ASCC3: variants seen among roughly 807,000 people sequenced by gnomAD.
ASCC3 encodes the protein ASC-1 complex subunit P200.
A neutral mutation model predicts 256.3 loss-of-function variants in ASCC3; 158 were observed. The ratio of observed to expected loss-of-function variants is 0.62; its 90% confidence interval spans 0.54 to 0.70. The LOEUF (loss-of-function observed/expected upper bound fraction) is 0.70. Ranked by LOEUF, ASCC3 falls within the 30% of genes least tolerant of loss-of-function variation. ASCC3 has a pLI of 0.00. For synonymous variants in ASCC3, 948 were observed against 883.4 expected, an observed-to-expected ratio of 1.07 and a Z score of -1.30; for missense variants, 2,259 against 2,626.0, an observed-to-expected ratio of 0.86 and a Z score of 3.05.
chr6:100,671,947 C>T (rs1299991540), intron 14 of ASCC3, among the ~76,000 whole-genome samples: 1 of 152,006 alleles, frequency 6.6e-6, no homozygotes, highest in Non-Finnish European at 1.5e-5. Context: ...CTGCCACTCC[C>T]TGTCACTATT....
At chr6:100,823,256 GTGAC>G (rs1418553974) in intron 4 of ASCC3, among the ~76,000 whole-genome samples, 3 of 152,176 alleles carry the variant, frequency 2.0e-5, no homozygotes, top group African/African-American at 7.2e-5. Flanking sequence ...GGCAGTCAGA[GTGAC>G]TGTTCATAAA....
At chr6:100,674,663 C>G (rs1388184462) in intron 14 of ASCC3, among the ~76,000 whole-genome samples, 7 of 140,318 alleles carry the variant, frequency 5.0e-5, no homozygotes, top group African/African-American at 1.8e-4. Context: ...GACAGAGTCT[C>G]CCTCTGTCAC....
At chr6:100,687,586 A>C (rs960852390) in intron 13 of ASCC3, among the ~76,000 whole-genome samples, 4 of 152,080 alleles carry the variant, frequency 2.6e-5, no homozygotes, top group Admixed American at 2.6e-4. Context: ...ATTGATAACA[A>C]TGAGGTTATA....
At chr6:100,668,730 T>C (rs1432279463) in intron 14 of ASCC3, among the ~76,000 whole-genome samples, 2 of 151,962 alleles carry the variant, frequency 1.3e-5, no homozygotes, top group Non-Finnish European at 2.9e-5. Context: ...CTAAGTACTC[T>C]TCAACCCCAG....
chr6:100,781,087 ATGT>A (rs1390293148), intron 8 of ASCC3, among the ~76,000 whole-genome samples: 2 of 152,142 alleles, frequency 1.3e-5, no homozygotes, highest in Non-Finnish European at 2.9e-5. Flanking sequence ...ATACTCAGTG[ATGT>A]TGTTTTTTTC....
chr6:100,775,990 T>G (rs1782167423), intron 8 of ASCC3, among the ~76,000 whole-genome samples: 1 of 152,110 alleles, frequency 6.6e-6, no homozygotes, highest in South Asian at 2.1e-4. Flanking sequence ...AACAAATGCT[T>G]TAAGTTAAGA....
intron 36 of ASCC3, among the ~76,000 whole-genome samples, chr6:100,577,205 C>A (rs1770916744): frequency 6.6e-6 from 1 of 151,908 alleles, no homozygotes; most frequent in East Asian, 1.9e-4. Context: ...TATTTTAGTT[C>A]TTTAGTAACT....
At chr6:100,839,771 C>A (rs776722742) in intron 4 of ASCC3, among the ~76,000 whole-genome samples, 11 of 152,154 alleles carry the variant, frequency 7.2e-5, no homozygotes, top group Non-Finnish European at 1.3e-4. Context: ...CCTTGGACCA[C>A]CCTTCTTCCA....
chr6:100,517,058 C>T (rs1048770412), intron 38 of ASCC3, among the ~76,000 whole-genome samples: 1 of 152,004 alleles, frequency 6.6e-6, no homozygotes, highest in Non-Finnish European at 1.5e-5. Context: ...CCTTTCTCCC[C>T]ATGCCATCTG....
At chr6:100,538,070 T>A (rs958857681) in intron 37 of ASCC3, among the ~76,000 whole-genome samples, 6 of 152,030 alleles carry the variant, frequency 3.9e-5, no homozygotes, top group Non-Finnish European at 8.8e-5. Context: ...AATGAATCAA[T>A]GAACTGATCA....
chr6:100,737,547 A>C (rs921247807), intron 10 of ASCC3, among the ~76,000 whole-genome samples: 14 of 152,182 alleles, frequency 9.2e-5, no homozygotes, highest in Admixed American at 7.9e-4. Flanking sequence ...TGTCCCTGCA[A>C]AGGGTATGAT....
At chr6:100,567,535 C>T (rs1770331185) in intron 36 of ASCC3, among the ~76,000 whole-genome samples, 1 of 152,112 alleles carries the variant, frequency 6.6e-6, no homozygotes, top group Non-Finnish European at 1.5e-5. Context: ...AACATAGTAC[C>T]TAACAATTAG....
intron 30 of ASCC3, among the ~76,000 whole-genome samples, chr6:100,623,394 C>A (rs1774061462): frequency 6.6e-6 from 1 of 152,114 alleles, no homozygotes; most frequent in Non-Finnish European, 1.5e-5. Flanking sequence ...TGAATAAGGT[C>A]ATCTATAGAA....
At chr6:100,674,801 T>C (rs1456960124) in intron 14 of ASCC3, among the ~76,000 whole-genome samples, 1 of 152,004 alleles carries the variant, frequency 6.6e-6, no homozygotes, top group African/African-American at 2.4e-5. Context: ...GCATGGCTTT[T>C]TTTGTATTTT....
intron 30 of ASCC3, among the ~76,000 whole-genome samples, chr6:100,612,577 T>G (rs996616786): frequency 6.6e-6 from 1 of 151,990 alleles, no homozygotes; most frequent in African/African-American, 2.4e-5. Flanking sequence ...TATTTTTAAA[T>G]AAAAATAATT....
chr6:100,683,904 A>C (rs1191529292), intron 13 of ASCC3, among the ~76,000 whole-genome samples: 1 of 152,208 alleles, frequency 6.6e-6, no homozygotes, highest in Non-Finnish European at 1.5e-5. Context: ...ATGTGGTCAT[A>C]AACTGCAAAA....
intron 4 of ASCC3, among the ~76,000 whole-genome samples, chr6:100,837,763 GC>G (rs1771946377): frequency 6.6e-6 from 1 of 152,016 alleles, no homozygotes; most frequent in African/African-American, 2.4e-5. Context: ...GGAGAGTTTG[GC>G]CAATGGGTAC....
At chr6:100,683,707 G>T (rs1404584206) in intron 13 of ASCC3, among the ~76,000 whole-genome samples, 1 of 151,980 alleles carries the variant, frequency 6.6e-6, no homozygotes, top group African/African-American at 2.4e-5. Context: ...AATAAGAACA[G>T]AATAGTAAGA....
At chr6:100,580,556 G>T (rs1334446465) in intron 36 of ASCC3, among the ~76,000 whole-genome samples, 1 of 151,412 alleles carries the variant, frequency 6.6e-6, no homozygotes, top group Non-Finnish European at 1.5e-5. Context: ...AACATATTCA[G>T]AAGACCCAAA....
Sources: allele counts gnomAD v4.1 joint callset (sites outside exome capture counted in the v4.1 genomes callset), GRCh38; gene constraint gnomAD v4.1.1; transcripts MANE v1.5; gene names NCBI Gene and HGNC (gene_info 2026-07-23, HGNC 2026-07-21).